Variants in EXD3 observed in about 807,000 individuals in gnomAD.
EXD3 encodes exonuclease 3'-5' domain containing 3.
In EXD3, 92 loss-of-function variants were observed where a neutral mutation model predicts 98.0. The observed-to-expected ratio is 0.94, with a 90% CI of 0.79 to 1.12. The LOEUF is 1.12. Among genes scored for constraint, EXD3 ranks in the 50% most tolerant of loss-of-function variants. The pLI is 0.00. For missense variants in EXD3, 1,222 were observed against 1,191.6 expected (o/e 1.03, Z -0.38); for synonymous variants, 569 against 526.0 (o/e 1.08, Z -1.12).
At position 137,309,608 on chromosome 9, in the gene EXD3, T is replaced by G. The variant is rs1831257224; in HGVS notation, c.2277A>C (p.Ser759=). 2 of 1,556,842 alleles carry G rather than the reference T, an allele frequency of 1.3e-6. No individual in the cohort carries two copies. Among genetic ancestry groups the G allele is most frequent in the Non-Finnish European group, 8.7e-7 (1 of 1,150,262 alleles). ...AGTGCCTGACCCTGACACACTCACC[T>G]GAGCTCCTGGGCCCCTCCTGGTGAC... ...LSSHQEGPRS[S]GDEATQSQAV... is the part of the protein sequence containing the mutation. The change falls in exon 20 of 22, where the codon TCA becomes TCC. Residue 759 remains serine, a splice_region_variant and synonymous_variant. Transcript: ENST00000340951.
intron 1 of EXD3, among the ~76,000 whole-genome samples, chr9:137,408,377 T>C (rs1407077954): frequency 6.6e-6 from 1 of 151,428 alleles, no homozygotes; most frequent in Non-Finnish European, 1.5e-5. Flanking sequence ...TGAAACCCCG[T>C]CTCTACTAAA....
chr9:137,379,533 T>A (rs575043978), intron 3 of EXD3, among the ~76,000 whole-genome samples: 1 of 147,462 alleles, frequency 6.8e-6, no homozygotes, highest in African/African-American at 2.6e-5. Flanking sequence ...GGGGCGTCTG[T>A]GTGAGGGGTA....
At chr9:137,421,435 C>T (rs1838506266) in intron 1 of EXD3, among the ~76,000 whole-genome samples, 1 of 152,222 alleles carries the variant, frequency 6.6e-6, no homozygotes, top group Non-Finnish European at 1.5e-5. Context: ...AATTATGTTT[C>T]AGAGAAAAAC....
chr9:137,367,573 C>A, intron 6 of EXD3: 2 of 211,672 alleles, frequency 9.4e-6, no homozygotes, highest in South Asian at 1.7e-4. Context: ...CTTCCCCCAG[C>A]CCACTGCACG....
chr9:137,329,339 G>GA (rs1290934281), intron 17 of EXD3, among the ~76,000 whole-genome samples: 1 of 21,586 alleles, frequency 4.6e-5, no homozygotes, highest in Non-Finnish European at 7.6e-5. Context: ...AGCTACACGG[G>GA]GCTACACGGG....
At chr9:137,328,242 C>A (rs879339863) in intron 17 of EXD3, among the ~76,000 whole-genome samples, 1 of 149,756 alleles carries the variant, frequency 6.7e-6, no homozygotes, top group South Asian at 2.1e-4. Flanking sequence ...AATATACACC[C>A]ACATGATGAG....
chr9:137,355,606 A>AG lies in EXD3; in HGVS notation c.757+661dup, dbSNP rs1354667057. On this transcript the variant is annotated intron_variant, in intron 8 of 21. Coordinates refer to ENST00000340951, the MANE Select transcript of EXD3 (RefSeq NM_017820.5). ...GGAAGGAGAAAGGGCGGAAGGAGAAAGGAGGAAGGAGGAAGGGAGGATGGA... is the reference window on the plus strand; with the variant it reads ...GGAAGGAGAAAGGGCGGAAGGAGAAAGGGAGGAAGGAGGAAGGGAGGATGGA... Among the ~76,000 whole-genome samples, 64 of 20,906 alleles carry AG rather than the reference A, an allele frequency of 3.1e-3. 1 individual carries two copies. Among genetic ancestry groups the AG allele is most frequent in the Middle Eastern group, 0.083 (2 of 24 alleles). 13.7% of individuals were successfully genotyped at this position (20,906 alleles called of 152,430 possible). A position where few individuals can be genotyped will look rare whatever the true frequency, so the allele number is the denominator to read the frequency against.
intron 2 of EXD3, among the ~76,000 whole-genome samples, chr9:137,388,485 A>G (rs1836726768): frequency 6.6e-6 from 1 of 152,046 alleles, no homozygotes; most frequent in African/African-American, 2.4e-5. Flanking sequence ...TGGGCTGTGG[A>G]GTGGGTGGCG....
chr9:137,323,757 C>T lies in EXD3; in HGVS notation c.2152G>A (p.Val718Ile). ...CGGCTGAAGATGTCTGCGTGGGTGA[C>T]ACGCACGTTGAAATGCTTGAGCACA... Reference protein sequence around the residue: ...KAVLKHFNVRVTHADIFSRCQ... With the variant: ...KAVLKHFNVRITHADIFSRCQ... The change falls in exon 19 of 22, where the codon GTC becomes ATC. Residue 718 changes from valine (V) to isoleucine (I), a missense_variant. Coordinates refer to ENST00000340951, the MANE Select transcript of EXD3 (RefSeq NM_017820.5). The T allele has an allele frequency of 6.2e-7, 1 of 1,612,418 alleles. No homozygotes were observed. The highest frequency in any genetic ancestry group is 8.5e-7 in the Non-Finnish European group (1 of 1,179,730).
rs527389081 is a variant in EXD3 at position 137,422,210 on chromosome 9, G to T, written c.-48+904C>A. Among the ~76,000 whole-genome samples, 10 of 151,964 alleles carry T rather than the reference G, an allele frequency of 6.6e-5. No individual in the cohort carries two copies. In the South Asian group the frequency reaches 2.1e-3, roughly 32 times the overall value. On this transcript the variant is annotated intron_variant, in intron 1 of 21. Coordinates refer to ENST00000340951, the MANE Select transcript of EXD3 (RefSeq NM_017820.5). ...GGGAATGAGCCTTCCCAGCAAGAGG[G>T]GACACTCTGACCCTCAGATTTTGAT...
At position 137,385,588 on chromosome 9, in the gene EXD3, T is replaced by C. The variant is rs1299843482; in HGVS notation, c.56-2211A>G. Among the ~76,000 whole-genome samples, 1 of 152,152 alleles carries C rather than the reference T, an allele frequency of 6.6e-6. No homozygotes were observed. Among genetic ancestry groups the C allele is most frequent in the Admixed American group, 6.5e-5 (1 of 15,288 alleles). ...AGTCTCACTGTCACCCAGGCTGGAG[T>C]GCAGTGCTGTGATCTCGGCTCACTG... On this transcript the variant is annotated intron_variant, in intron 2 of 21. Transcript: ENST00000340951. This position sits in a 1 kb window ranked among gnomAD's most constrained non-coding sequence, Gnocchi z 4.4.
rs28671254 is a variant in EXD3 at position 137,348,112 on chromosome 9, G to A, written c.1957C>T (p.Arg653Cys). The A allele has an allele frequency of 0.041, 65,510 of 1,611,956 alleles. 1,544 individuals carry two copies. Among genetic ancestry groups the A allele is most frequent in the Middle Eastern group, 0.096 (569 of 5,952 alleles). The change falls in exon 17 of 22, where the codon CGC (arginine) becomes TGC (cysteine). Residue 653 changes from arginine to cysteine, a missense_variant. By Grantham distance (180) the Arg-to-Cys change is radical (BLOSUM62 -3). Coordinates refer to ENST00000340951, the MANE Select transcript of EXD3 (RefSeq NM_017820.5). Reference sequence around the variant, plus strand: ...TGGTCTTCACCATTGCCCAGCATGCGTGCATCCACACCGAGACAGCGGAGG... The same window carrying A: ...TGGTCTTCACCATTGCCCAGCATGCATGCATCCACACCGAGACAGCGGAGG... ...RSLRCLGVDA[R>C]MLGNGEDHRR...
intron 1 of EXD3, among the ~76,000 whole-genome samples, chr9:137,409,772 A>G (rs1321953594): frequency 6.6e-6 from 1 of 152,188 alleles, no homozygotes; most frequent in Non-Finnish European, 1.5e-5. Flanking sequence ...ATCTCTCAGC[A>G]TCTTTCTCGG....
Position 137,366,624 on chromosome 9 carries a change from G to A in EXD3, c.525C>T (p.Ile175=), listed in dbSNP as rs1835273522. 28 of 1,558,658 alleles carry A rather than the reference G, an allele frequency of 1.8e-5. No individual in the cohort carries two copies. The highest frequency in any genetic ancestry group is 2.3e-5 in the Non-Finnish European group (27 of 1,152,490). Residue 175 remains isoleucine, a synonymous_variant, in exon 7 of 22, where the codon ATC becomes ATT. Transcript: ENST00000340951. ...QSELGVEKMS[I]PLLLQDKVAL... is the part of the protein sequence containing the mutation. ...CCACCTTGTCCTGGAGGAGCAGTGGGATGCTCATCTGCAGGGGGACACACG... is the reference window on the plus strand; with the variant it reads ...CCACCTTGTCCTGGAGGAGCAGTGGAATGCTCATCTGCAGGGGGACACACG...
At chr9:137,327,820 ATAT>A (rs1832529992) in intron 17 of EXD3, among the ~76,000 whole-genome samples, 1 of 150,370 alleles carries the variant, frequency 6.7e-6, no homozygotes, top group African/African-American at 2.4e-5. Context: ...AAAACAACTA[ATAT>A]ACACCCATAT....
intron 2 of EXD3, among the ~76,000 whole-genome samples, chr9:137,389,700 C>G (rs1836790533): frequency 6.6e-6 from 1 of 152,012 alleles, no homozygotes. Context: ...ACGCTGGGAG[C>G]CAGGTGGATG....
chr9:137,366,023 CAT>C, intron 7 of EXD3: 1 of 631,124 alleles, frequency 1.6e-6, no homozygotes, highest in Non-Finnish European at 2.9e-6. Context: ...TGGGCACACA[CAT>C]ACATGCACAC....
chr9:137,329,134 AGCTACACGGGAG>A (rs1564478722), intron 17 of EXD3, among the ~76,000 whole-genome samples: 1 of 1,526 alleles, frequency 6.6e-4, no homozygotes, highest in Non-Finnish European at 1.2e-3. Flanking sequence ...GCTACACGGG[AGCTACACGGGAG>A]CTACACGGGG....
rs765443977 is a variant in EXD3, at chr9:137,349,310, C to T, written c.1658-28G>A. On this transcript the variant is annotated intron_variant, in intron 15 of 21. Transcript: ENST00000340951. The surrounding 1 kb of genome is among the most constrained non-coding windows in gnomAD (Gnocchi z 7.4). ...GTGTGGGGAGTCGGCCTCAGCCTCC[C>T]GGGACAGAGGGCGGGAGGGGCGTGA... 5.7e-5 allele frequency: 89 copies of T among 1,552,472 alleles called. No individual in the cohort carries two copies. Among genetic ancestry groups the T allele is most frequent in the Non-Finnish European group, 7.3e-5 (84 of 1,154,614 alleles).
Sources: allele counts gnomAD v4.1 joint callset (sites outside exome capture counted in the v4.1 genomes callset), GRCh38; gene constraint gnomAD v4.1.1; non-coding constraint Gnocchi (gnomAD v3.1); transcripts MANE v1.5; gene names NCBI Gene and HGNC (gene_info 2026-07-23, HGNC 2026-07-21).